Variants in RASSF8 observed in about 807,000 individuals in gnomAD.
RASSF8 encodes Ras association domain family member 8.
Under a neutral mutation model 48.5 loss-of-function variants are expected in RASSF8, and 22 were observed. The observed-to-expected ratio is 0.45, with a 90% CI of 0.32 to 0.65. RASSF8 has a LOEUF of 0.65. RASSF8 is among the 30% of genes least tolerant of loss of function. RASSF8 has a pLI of 0.03. For missense variants in RASSF8, 418 were observed against 489.2 expected, an observed-to-expected ratio of 0.85 and a Z score of 1.37; for synonymous variants, 127 against 171.5, an observed-to-expected ratio of 0.74 and a Z score of 2.03.
chr12:26,061,656 G>C (rs1006894570), intron 3 of RASSF8, among the ~76,000 whole-genome samples: 1 of 152,064 alleles, frequency 6.6e-6, no homozygotes, highest in African/African-American at 2.4e-5. Flanking sequence ...GGTCAAATAC[G>C]CTAAAAGGAG....
chr12:26,029,442 A>G (rs1180342742), intron 2 of RASSF8, among the ~76,000 whole-genome samples: 1 of 152,220 alleles, frequency 6.6e-6, no homozygotes, highest in Non-Finnish European at 1.5e-5. Flanking sequence ...CCCAATTTCA[A>G]GAAACAAAAA....
rs16929850 is a variant in RASSF8 at position 25,991,916 on chromosome 12, G to C, written c.-202-3121G>C. ...AGTGTCCAATTAATGTTTGAATCAC[G>C]TTAAGTTTTACCAAAAATAATATAA... On this transcript the variant is annotated intron_variant, in intron 1 of 5. Coordinates refer to ENST00000689635, the MANE Select transcript of RASSF8 (RefSeq NM_001394098.1). 4.6e-5 allele frequency among the ~76,000 whole-genome samples: 7 copies of C among 152,192 alleles called. No homozygotes were observed. The East Asian group carries it at 1.4e-3, about 29-fold the overall frequency.
Position 26,002,557 on chromosome 12 carries a change from C to T in RASSF8, c.-109+7427C>T, listed in dbSNP as rs140858785. Reference sequence around the variant, plus strand: ...TTGGGAGGCCAAGGCGGGCAGATCACGAGGTCAGGAGTTTGAGACCAGCCT... The same window carrying T: ...TTGGGAGGCCAAGGCGGGCAGATCATGAGGTCAGGAGTTTGAGACCAGCCT... On this transcript the variant is annotated intron_variant, in intron 2 of 5. Coordinates refer to ENST00000689635, the MANE Select transcript of RASSF8 (RefSeq NM_001394098.1). Among the ~76,000 whole-genome samples, 745 of 152,032 alleles carry T rather than the reference C, an allele frequency of 4.9e-3. 9 individuals carry two copies. Among genetic ancestry groups the T allele is most frequent in the African/African-American group, 0.017 (718 of 41,466 alleles).
At position 26,068,859 on chromosome 12, in the gene RASSF8, A is replaced by T; in HGVS notation, c.*41A>T. ...GGGAGGAGACCCAACAGAGGTACCA[A>T]GGACAGTAAACTTCCTTTTTGATTT... On this transcript the variant is annotated 3_prime_UTR_variant, in exon 6 of 6. Transcript: ENST00000689635. 6.5e-7 allele frequency: 1 copy of T among 1,530,318 alleles called. No individual in the cohort carries two copies. Among genetic ancestry groups the T allele is most frequent in the Non-Finnish European group, 8.7e-7 (1 of 1,143,340 alleles). 94.8% of individuals were successfully genotyped at this position (1,530,318 alleles called of 1,614,324 possible).
At chr12:26,074,274 C>T (rs942075892), downstream of RASSF8, among the ~76,000 whole-genome samples, 4 of 152,182 alleles carry the variant, frequency 2.6e-5, no homozygotes, top group Non-Finnish European at 5.9e-5. Context: ...TTTATACTTT[C>T]TACAGACATT....
At position 26,015,933 on chromosome 12, in the gene RASSF8, CACTA is replaced by C. The variant is rs200510271; in HGVS notation, c.-109+20813_-109+20816del. ...TCTGTGATCACATGATCACAGACCC[CACTA>C]ACTAACTAATGGTTACTTTCAAGTG... is the stretch of plus-strand genomic sequence containing the variant. On this transcript the variant is annotated intron_variant, in intron 2 of 5. Transcript: ENST00000689635. Among the ~76,000 whole-genome samples, 1,388 of 152,204 alleles carry C rather than the reference CACTA, an allele frequency of 9.1e-3. 24 individuals carry two copies. The highest frequency in any genetic ancestry group is 0.032 in the African/African-American group (1,320 of 41,534).
intron 3 of RASSF8, among the ~76,000 whole-genome samples, chr12:26,064,243 A>G (rs1413727679): frequency 3.3e-5 from 5 of 152,206 alleles, no homozygotes. Context: ...AGTCCCACCA[A>G]GGTTTAAAGT....
chr12:26,014,203 C>T (rs1565618871), intron 2 of RASSF8, among the ~76,000 whole-genome samples: 2 of 152,212 alleles, frequency 1.3e-5, no homozygotes, highest in Admixed American at 6.5e-5. Flanking sequence ...TAACTAATAA[C>T]GTTCATACTA....
At chr12:26,057,356 C>G (rs1246518089) in intron 3 of RASSF8, among the ~76,000 whole-genome samples, 1 of 152,144 alleles carries the variant, frequency 6.6e-6, no homozygotes, top group Non-Finnish European at 1.5e-5. Context: ...CAGTTCCCAC[C>G]TATGAGTGAG....
chr12:25,960,810 AGGGAGCAAATCATG>A (rs1941214283), intron 1 of RASSF8, among the ~76,000 whole-genome samples: 1 of 152,164 alleles, frequency 6.6e-6, no homozygotes, highest in Non-Finnish European at 1.5e-5. Flanking sequence ...GGGCCCTGAG[AGGGAGCAAATCATG>A]GGGCTGTGCA....
At chr12:25,990,519 T>C (rs989835028) in intron 1 of RASSF8, among the ~76,000 whole-genome samples, 1 of 152,214 alleles carries the variant, frequency 6.6e-6, no homozygotes, top group African/African-American at 2.4e-5. Flanking sequence ...TAATATAGCT[T>C]AATAGCATCA....
chr12:25,969,339 G>A (rs1941431491), intron 1 of RASSF8, among the ~76,000 whole-genome samples: 1 of 152,114 alleles, frequency 6.6e-6, no homozygotes, highest in South Asian at 2.1e-4. Context: ...GTGCCTTATC[G>A]GTAAAATGGA....
chr12:25,989,037 G>T (rs147739809), intron 1 of RASSF8, among the ~76,000 whole-genome samples: 1 of 152,286 alleles, frequency 6.6e-6, no homozygotes, highest in East Asian at 1.9e-4. Flanking sequence ...AACTCACTGT[G>T]CCTCCAACAG....
chr12:26,065,441 T>C, intron 4 of RASSF8, 54 bp downstream of exon 4: 1 of 1,498,210 alleles, frequency 6.7e-7, no homozygotes, highest in South Asian at 1.4e-5. Flanking sequence ...AGTATCTTCT[T>C]GGAATCTCCT....
intron 2 of RASSF8, among the ~76,000 whole-genome samples, chr12:25,998,552 T>C (rs1216580828): frequency 6.6e-6 from 1 of 152,058 alleles, no homozygotes; most frequent in African/African-American, 2.4e-5. Context: ...TTACACCATT[T>C]TGGCCAGGAT....
At chr12:26,044,731 T>C (rs1943336265) in intron 2 of RASSF8, among the ~76,000 whole-genome samples, 1 of 152,190 alleles carries the variant, frequency 6.6e-6, no homozygotes, top group Non-Finnish European at 1.5e-5. Flanking sequence ...AATTTCACAA[T>C]GCACATCTTA....
chr12:26,061,881 G>A (rs1415760105), intron 3 of RASSF8, among the ~76,000 whole-genome samples: 4 of 152,018 alleles, frequency 2.6e-5, no homozygotes, highest in Non-Finnish European at 4.4e-5. Context: ...TGACCCAGTG[G>A]TACTAAATGT....
Position 26,006,740 on chromosome 12 carries a change from G to C in RASSF8, c.-109+11610G>C, listed in dbSNP as rs529872519. Among the ~76,000 whole-genome samples the C allele has an allele frequency of 4.0e-3, 603 of 152,260 alleles. 5 individuals are homozygous for C. The highest frequency in any genetic ancestry group is 6.8e-3 in the Middle Eastern group (2 of 294). ...ACGCTTCGTTTCTGACTCATGGTGC[G>C]TGCTCAGAGAACAAGGGCCCTTGTC... On this transcript the variant is annotated intron_variant, in intron 2 of 5. Coordinates refer to ENST00000689635, the MANE Select transcript of RASSF8 (RefSeq NM_001394098.1).
intron 3 of RASSF8, among the ~76,000 whole-genome samples, chr12:26,060,437 TA>T (rs1359207575): frequency 1.3e-5 from 2 of 152,122 alleles, no homozygotes; most frequent in Non-Finnish European, 2.9e-5. Flanking sequence ...AATAGTATAG[TA>T]AAAAAATAAC....
Sources: gnomAD v4.1 joint callset for allele counts (sites outside exome capture counted in the v4.1 genomes callset) on GRCh38, gnomAD v4.1.1 for gene constraint, MANE v1.5 for transcripts, NCBI Gene and HGNC (gene_info 2026-07-23, HGNC 2026-07-21) for gene names.